Variants in ARK2N observed in about 807,000 individuals in gnomAD.
The protein encoded by ARK2N is arkadia (RNF111) N-terminal like PKA signaling regulator 2N, also known as protein ARK2N.
At chr18:46,255,136 G>A in the ARK2N span, among the ~76,000 whole-genome samples, 11 of 152,204 alleles carry the variant, frequency 7.2e-5, no homozygotes, top group African/African-American at 2.4e-4. Flanking sequence ...AAAGTATAGA[G>A]TGGAGATGAA....
the ARK2N span, among the ~76,000 whole-genome samples, chr18:46,259,667 A>T: frequency 6.6e-6 from 1 of 151,816 alleles, no homozygotes; most frequent in Non-Finnish European, 1.5e-5. Flanking sequence ...GTGCAGTAGC[A>T]TGATCTCTGT....
the ARK2N span, among the ~76,000 whole-genome samples, chr18:46,214,722 T>TG: frequency 2.0e-5 from 3 of 152,208 alleles, no homozygotes; most frequent in African/African-American, 7.2e-5. Context: ...GTACAATGGG[T>TG]GTAGAGTATT....
chr18:46,193,921 T>A, the ARK2N span, among the ~76,000 whole-genome samples: 1 of 152,064 alleles, frequency 6.6e-6, no homozygotes, highest in East Asian at 1.9e-4. Flanking sequence ...TTGTAGTGGA[T>A]ATTTACACAC....
the ARK2N span, among the ~76,000 whole-genome samples, chr18:46,211,857 A>G: frequency 2.6e-5 from 4 of 152,218 alleles, no homozygotes; most frequent in African/African-American, 9.6e-5. Flanking sequence ...TATGCCATTT[A>G]TGTGATGCAA....
At chr18:46,227,808 G>T in the ARK2N span, among the ~76,000 whole-genome samples, 2 of 152,098 alleles carry the variant, frequency 1.3e-5, no homozygotes, top group Admixed American at 6.6e-5. Context: ...ATGTTGGTCA[G>T]GCCGGTCTTG....
At chr18:46,182,538 G>A in the ARK2N span, among the ~76,000 whole-genome samples, 1 of 152,146 alleles carries the variant, frequency 6.6e-6, no homozygotes, top group Admixed American at 6.6e-5. Context: ...GAGCCCAGGA[G>A]TTTTAGACCA....
the ARK2N span, chr18:46,216,731 A>C: frequency 1.3e-6 from 1 of 790,182 alleles, no homozygotes; most frequent in Non-Finnish European, 2.0e-6. This position sits in a 1 kb window ranked among gnomAD's most constrained non-coding sequence, Gnocchi z 4.3. Flanking sequence ...GCAGTCTATT[A>C]ACAAGACATG....
chr18:46,213,634 T>C, the ARK2N span, among the ~76,000 whole-genome samples: 1 of 152,234 alleles, frequency 6.6e-6, no homozygotes, highest in South Asian at 2.1e-4. Flanking sequence ...ATTAGTATTA[T>C]AATTGATACA....
chr18:46,217,668 CAA>C, the ARK2N span: 2 of 152,136 alleles, frequency 1.3e-5, no homozygotes, highest in African/African-American at 4.8e-5. Flanking sequence ...AATTCAGTAA[CAA>C]GAATGATTGG....
At chr18:46,239,376 C>T in the ARK2N span, among the ~76,000 whole-genome samples, 1 of 152,042 alleles carries the variant, frequency 6.6e-6, no homozygotes, top group African/African-American at 2.4e-5. Context: ...CATAAGATAT[C>T]CAAAGCAAAA....
the ARK2N span, among the ~76,000 whole-genome samples, chr18:46,230,633 T>C: frequency 6.6e-6 from 1 of 152,196 alleles, no homozygotes; most frequent in Admixed American, 6.5e-5. Context: ...TATGGAATTT[T>C]CCCTTTGTCT....
the ARK2N span, among the ~76,000 whole-genome samples, chr18:46,190,142 A>G: frequency 6.6e-6 from 1 of 152,332 alleles, no homozygotes; most frequent in South Asian, 2.1e-4. Context: ...AATAATTAAA[A>G]TGTTCTGAAA....
chr18:46,211,638 C>T, the ARK2N span, among the ~76,000 whole-genome samples: 2 of 151,720 alleles, frequency 1.3e-5, no homozygotes, highest in Non-Finnish European at 2.9e-5. Flanking sequence ...GGCAGGTGGA[C>T]GAGAGCCAAG....
At chr18:46,186,447 G>A in the ARK2N span, among the ~76,000 whole-genome samples, 1 of 149,702 alleles carries the variant, frequency 6.7e-6, no homozygotes, top group Non-Finnish European at 1.5e-5. Flanking sequence ...TCCTGCCTTG[G>A]TCTCCCAAAG....
At chr18:46,196,237 C>T in the ARK2N span, among the ~76,000 whole-genome samples, 2 of 151,910 alleles carry the variant, frequency 1.3e-5, no homozygotes, top group African/African-American at 4.8e-5. Context: ...GCCTCGGCCT[C>T]CCAAAGTGCT....
At chr18:46,209,093 T>C in the ARK2N span, among the ~76,000 whole-genome samples, 5 of 152,138 alleles carry the variant, frequency 3.3e-5, no homozygotes, top group Non-Finnish European at 7.3e-5. Flanking sequence ...AGGGTGTGTG[T>C]GGTCCGAGAT....
the ARK2N span, among the ~76,000 whole-genome samples, chr18:46,214,145 T>A: frequency 1.3e-5 from 2 of 152,208 alleles, no homozygotes; most frequent in Non-Finnish European, 2.9e-5. Flanking sequence ...ATATTTATGT[T>A]TGTATTAAGC....
chr18:46,200,083 TGTGTGTGTGC>T, the ARK2N span, among the ~76,000 whole-genome samples: 1 of 148,452 alleles, frequency 6.7e-6, no homozygotes, highest in Non-Finnish European at 1.5e-5. Context: ...TGTGTGTGTG[TGTGTGTGTGC>T]GCGCGCGTGC....
chr18:46,195,831 C>G, the ARK2N span, among the ~76,000 whole-genome samples: 1 of 152,030 alleles, frequency 6.6e-6, no homozygotes, highest in Non-Finnish European at 1.5e-5. Context: ...CTGCTTCAGC[C>G]TCTTAAAATG....
Sources: gnomAD v4.1 joint callset for allele counts (sites outside exome capture counted in the v4.1 genomes callset) on GRCh38, gnomAD v4.1.1 for gene constraint, Gnocchi (gnomAD v3.1) non-coding constraint, MANE v1.5 for transcripts, NCBI Gene and HGNC (gene_info 2026-07-23, HGNC 2026-07-21) for gene names.